Variants in FILIP1 observed in about 807,000 individuals in gnomAD.
The protein encoded by FILIP1 is filamin-A-interacting protein 1.
Under a neutral mutation model 102.1 loss-of-function variants are expected in FILIP1, and 61 were observed. The observed-to-expected ratio is 0.60, with a 90% CI of 0.49 to 0.74. The LOEUF is 0.74. FILIP1 is among the 30% of genes least tolerant of loss of function. The pLI is 0.00. For synonymous variants in FILIP1, 491 were observed against 526.9 expected (o/e 0.93, Z 0.93); for missense variants, 1,314 against 1,441.2 (o/e 0.91, Z 1.43).
At chr6:75,469,963 C>T (rs1156234618) in intron 1 of FILIP1, among the ~76,000 whole-genome samples, 1 of 151,976 alleles carries the variant, frequency 6.6e-6, no homozygotes, top group Non-Finnish European at 1.5e-5. Context: ...CCCCAAAATA[C>T]AGCAAACATG....
chr6:75,473,258 T>C (rs982082233), intron 1 of FILIP1, among the ~76,000 whole-genome samples: 2 of 152,174 alleles, frequency 1.3e-5, no homozygotes, highest in Admixed American at 1.3e-4. Context: ...GAGGAAGGGC[T>C]AAGGAAATGT....
chr6:75,325,378 C>A (rs537373497), intron 4 of FILIP1, among the ~76,000 whole-genome samples: 1 of 152,098 alleles, frequency 6.6e-6, no homozygotes, highest in Non-Finnish European at 1.5e-5. Context: ...GCCGAGATTG[C>A]GCCACTGCAC....
At chr6:75,315,434 T>C (rs1773410721) in intron 4 of FILIP1, among the ~76,000 whole-genome samples, 1 of 152,214 alleles carries the variant, frequency 6.6e-6, no homozygotes, top group Non-Finnish European at 1.5e-5. Flanking sequence ...AACTAGTTTC[T>C]CTTTTGTAAT....
chr6:75,412,644 C>T (rs761128332), intron 2 of FILIP1, among the ~76,000 whole-genome samples: 5 of 152,176 alleles, frequency 3.3e-5, no homozygotes, highest in Non-Finnish European at 7.4e-5. Context: ...TACTAGAAGA[C>T]AAGTGTCTAC....
intron 1 of FILIP1, among the ~76,000 whole-genome samples, chr6:75,427,796 G>A (rs1777677731): frequency 6.6e-6 from 1 of 152,082 alleles, no homozygotes; most frequent in Non-Finnish European, 1.5e-5. Flanking sequence ...GCCCAAACAT[G>A]ACCCCTCATA....
intron 4 of FILIP1, among the ~76,000 whole-genome samples, chr6:75,322,119 A>T (rs919847521): frequency 6.6e-6 from 1 of 152,212 alleles, no homozygotes; most frequent in Non-Finnish European, 1.5e-5. Flanking sequence ...CCTCATATTT[A>T]GAAATCCTCA....
At chr6:75,380,388 C>T (rs1013646069) in intron 2 of FILIP1, among the ~76,000 whole-genome samples, 4 of 148,944 alleles carry the variant, frequency 2.7e-5, no homozygotes, top group Non-Finnish European at 4.5e-5. Flanking sequence ...AACAGTTCAA[C>T]TCAACTAACA....
intron 4 of FILIP1, among the ~76,000 whole-genome samples, chr6:75,332,390 A>C (rs1774112824): frequency 6.6e-6 from 1 of 152,168 alleles, no homozygotes; most frequent in Non-Finnish European, 1.5e-5. Flanking sequence ...AGGTGAATGA[A>C]TTTACCTAAT....
intron 1 of FILIP1, among the ~76,000 whole-genome samples, chr6:75,441,369 C>CA (rs1302159071): frequency 4.6e-5 from 7 of 152,176 alleles, no homozygotes; most frequent in Non-Finnish European, 1.0e-4. Context: ...TGAAGTCTCC[C>CA]ATGTCTACTT....
chr6:75,384,627 T>C (rs1776021823), intron 2 of FILIP1, among the ~76,000 whole-genome samples: 1 of 152,096 alleles, frequency 6.6e-6, no homozygotes, highest in Non-Finnish European at 1.5e-5. Context: ...AAGCCACCTT[T>C]TGGAAGGAAG....
In FILIP1 at chr6:75,457,612, G is replaced by GTCTCTCTCTCTCTCTCTC. The variant is rs68150078; in HGVS notation, c.-7+35784_-7+35801dup. On this transcript the variant is annotated intron_variant, in intron 1 of 5. Coordinates refer to ENST00000237172, the MANE Select transcript of FILIP1 (RefSeq NM_015687.5). ...AAAATACCTAATTATTTCAAACAAA[G>GTCTCTCTCTCTCTCTCTC]TCTCTCTCTCTCTCTCTCTCTCTCT... 5.7e-4 allele frequency among the ~76,000 whole-genome samples: 82 copies of GTCTCTCTCTCTCTCTCTC among 142,728 alleles called. 1 individual carries two copies. Among genetic ancestry groups the GTCTCTCTCTCTCTCTCTC allele is most frequent in the African/African-American group, 1.9e-3 (70 of 37,404 alleles). 93.6% of individuals were successfully genotyped at this position (142,728 alleles called of 152,430 possible).
intron 4 of FILIP1, among the ~76,000 whole-genome samples, chr6:75,326,207 A>T (rs902885398): frequency 4.1e-4 from 63 of 152,290 alleles, no homozygotes; most frequent in African/African-American, 1.4e-3. Context: ...AGCAACCTGG[A>T]TGGAGTTGGA....
At chr6:75,331,539 T>C (rs1774082431) in intron 4 of FILIP1, among the ~76,000 whole-genome samples, 1 of 152,194 alleles carries the variant, frequency 6.6e-6, no homozygotes, top group African/African-American at 2.4e-5. Flanking sequence ...CCTTTAAATA[T>C]AGGCTACTTG....
At chr6:75,458,973 T>G (rs566626455) in intron 1 of FILIP1, 1 of 152,332 alleles carries the variant, frequency 6.6e-6, no homozygotes, top group East Asian at 1.9e-4. Flanking sequence ...TACTAGAGAT[T>G]ATTTGGGGGA....
chr6:75,443,935 CAA>C (rs1167111001), intron 1 of FILIP1, among the ~76,000 whole-genome samples: 2 of 152,128 alleles, frequency 1.3e-5, no homozygotes, highest in Non-Finnish European at 2.9e-5. Flanking sequence ...ATGGAGATAA[CAA>C]TAATATCTGA....
At chr6:75,374,935 AG>A (rs10713668) in intron 2 of FILIP1, among the ~76,000 whole-genome samples, 8,521 of 152,182 alleles carry the variant, frequency 0.056, 666 homozygotes, top group African/African-American at 0.17. Flanking sequence ...TTGCAGCTCG[AG>A]GGGGAAATCC....
chr6:75,293,610 A>T (rs1199052639), exon 7 of FILIP1: 1 of 152,188 alleles, frequency 6.6e-6, no homozygotes, highest in East Asian at 1.9e-4. Context: ...TTCCAAATTC[A>T]TTATAAATCT....
chr6:75,319,563 G>T (rs552853042), intron 4 of FILIP1: 1 of 528,388 alleles, frequency 1.9e-6, no homozygotes, highest in Admixed American at 2.1e-5. Flanking sequence ...GGGCCCGGTG[G>T]CTCACGCCTG....
chr6:75,300,651 A>G (rs1772813453), intron 6 of FILIP1, among the ~76,000 whole-genome samples: 1 of 152,194 alleles, frequency 6.6e-6, no homozygotes, highest in South Asian at 2.1e-4. Flanking sequence ...AGTTCAAGAA[A>G]CTTCCTCTCT....
Sources: allele counts gnomAD v4.1 joint callset (sites outside exome capture counted in the v4.1 genomes callset), GRCh38; gene constraint gnomAD v4.1.1; transcripts MANE v1.5; gene names NCBI Gene and HGNC (gene_info 2026-07-23, HGNC 2026-07-21).